EDA: variants seen among roughly 807,000 people sequenced by gnomAD.
EDA encodes ectodysplasin A, also known as ectodysplasin-A.
In EDA, 2 loss-of-function variants were observed where a neutral mutation model predicts 23.6. That is an observed-to-expected ratio of 0.08 (90% CI 0.03 to 0.27). The LOEUF (loss-of-function observed/expected upper bound fraction) is 0.27, where lower values mean the gene tolerates loss of function less well. Among genes scored for constraint, EDA ranks in the 10% least tolerant of loss-of-function variants. The pLI is 1.00. For missense variants in EDA, 229 were observed against 324.2 expected (o/e 0.71, Z 2.26); for synonymous variants, 131 against 132.0 (o/e 0.99, Z 0.05).
Position 69,956,348 on chromosome X carries a change from T to C in EDA, c.397-679T>C, listed in dbSNP as rs1187178451. ...CTCTTTCTCTTTCTTTCTTCTTTTTTTTTTTTTTTTTTTACAGAGTTTTGC... is the reference window on the plus strand; with the variant it reads ...CTCTTTCTCTTTCTTTCTTCTTTTTCTTTTTTTTTTTTTACAGAGTTTTGC... On this transcript the variant is annotated intron_variant, in intron 1 of 7. Coordinates refer to ENST00000374552, the MANE Select transcript of EDA (RefSeq NM_001399.5). 9.8e-5 allele frequency among the ~76,000 whole-genome samples: 10 copies of C among 102,154 alleles called. No individual in the cohort carries two copies. In the South Asian group the frequency reaches 2.3e-3, roughly 24 times the overall value. The allele number at this position is 102,154 out of a possible 115,157, so 88.7% of individuals were successfully genotyped here.
At chrX:69,852,241 T>C (rs1453787249) in intron 1 of EDA, among the ~76,000 whole-genome samples, 1 of 111,496 alleles carries the variant, frequency 9.0e-6, no homozygotes, top group African/African-American at 3.3e-5. Flanking sequence ...GTGATTCTCC[T>C]GCCTTAGCTT....
At chrX:69,832,489 C>G (rs1468750186) in intron 1 of EDA, among the ~76,000 whole-genome samples, 1 of 111,613 alleles carries the variant, frequency 9.0e-6, no homozygotes, top group Non-Finnish European at 1.9e-5. Context: ...CAGCTTTGTT[C>G]TTTTTGCTTA....
At chrX:70,020,237 A>C (rs1381258968) in intron 2 of EDA, among the ~76,000 whole-genome samples, 1 of 111,695 alleles carries the variant, frequency 9.0e-6, no homozygotes, top group Non-Finnish European at 1.9e-5. Context: ...CACATCCTAA[A>C]AAACCTTTGG....
intron 1 of EDA, among the ~76,000 whole-genome samples, chrX:69,789,467 G>C (rs1172421521): frequency 8.9e-6 from 1 of 112,093 alleles, no homozygotes; most frequent in Non-Finnish European, 1.9e-5. Flanking sequence ...ATATTTCTTA[G>C]GGCAAATTTT....
intron 2 of EDA, among the ~76,000 whole-genome samples, chrX:69,966,451 G>A (rs1256363664): frequency 9.1e-6 from 1 of 109,690 alleles, no homozygotes; most frequent in Non-Finnish European, 1.9e-5. Context: ...GTGGTGGCAT[G>A]GCCTGTAACC....
intron 1 of EDA, among the ~76,000 whole-genome samples, chrX:69,726,484 C>A (rs2012806214): frequency 8.9e-6 from 1 of 112,283 alleles, no homozygotes; most frequent in Non-Finnish European, 1.9e-5. Context: ...CTGCCAAAAG[C>A]AAAAGTAAAT....
chrX:69,876,445 A>T (rs986997847), intron 1 of EDA, among the ~76,000 whole-genome samples: 3 of 111,343 alleles, frequency 2.7e-5, no homozygotes, highest in African/African-American at 9.7e-5. Context: ...ATAAAAAATA[A>T]TAAAAAAAGA....
intron 1 of EDA, among the ~76,000 whole-genome samples, chrX:69,710,255 T>G (rs1203321406): frequency 1.8e-5 from 2 of 110,518 alleles, no homozygotes; most frequent in Non-Finnish European, 3.8e-5. Context: ...AAATAGGGAA[T>G]CCTTTCCCCA....
chrX:69,795,169 C>T (rs2015512325), intron 1 of EDA, among the ~76,000 whole-genome samples: 1 of 110,654 alleles, frequency 9.0e-6, no homozygotes, highest in African/African-American at 3.3e-5. Flanking sequence ...TAATGGGAGG[C>T]TAATCCACCC....
intron 1 of EDA, among the ~76,000 whole-genome samples, chrX:69,855,859 A>G: frequency 9.0e-6 from 1 of 111,507 alleles, no homozygotes; most frequent in Middle Eastern, 4.6e-3. Context: ...GAAGAATCTC[A>G]ATGGTAGTTT....
intron 1 of EDA, among the ~76,000 whole-genome samples, chrX:69,712,503 A>G (rs1323106978): frequency 1.8e-5 from 2 of 111,585 alleles, no homozygotes; most frequent in Non-Finnish European, 3.8e-5. Context: ...AATCAAAACC[A>G]CAATGAGATA....
chrX:69,989,980 C>T (rs188449163), intron 2 of EDA, among the ~76,000 whole-genome samples: 157 of 72,262 alleles, frequency 2.2e-3, no homozygotes, highest in African/African-American at 7.8e-3. Flanking sequence ...CATAGTTATT[C>T]ATTGAAGCAT....
intron 1 of EDA, among the ~76,000 whole-genome samples, chrX:69,732,872 G>A (rs930625604): frequency 8.9e-6 from 1 of 112,119 alleles, no homozygotes; most frequent in East Asian, 2.8e-4. Context: ...ATTTCTTCAT[G>A]TGTCTTTTGG....
At chrX:69,702,794 C>A (rs1020089158) in intron 1 of EDA, among the ~76,000 whole-genome samples, 3 of 111,109 alleles carry the variant, frequency 2.7e-5, no homozygotes, top group Non-Finnish European at 5.7e-5. Flanking sequence ...TTTTTCCAGC[C>A]GTCAGCAATA....
At chrX:69,965,059 T>C (rs2019155627) in intron 2 of EDA, among the ~76,000 whole-genome samples, 1 of 111,591 alleles carries the variant, frequency 9.0e-6, no homozygotes, top group African/African-American at 3.3e-5. Flanking sequence ...GTAGTGACCA[T>C]ATAATGGGGT....
intron 2 of EDA, among the ~76,000 whole-genome samples, chrX:69,998,207 C>T (rs2019688641): frequency 8.9e-6 from 1 of 112,387 alleles, no homozygotes; most frequent in Non-Finnish European, 1.9e-5. Flanking sequence ...TGCAAAGCCA[C>T]AGGGGTGGAG....
intron 1 of EDA, among the ~76,000 whole-genome samples, chrX:69,868,081 A>G (rs1052236627): frequency 1.8e-5 from 2 of 111,568 alleles, no homozygotes; most frequent in African/African-American, 6.5e-5. Flanking sequence ...CCTTGCTCCA[A>G]AATCCTAGAG....
chrX:70,025,547 T>A (rs368419814), intron 3 of EDA, among the ~76,000 whole-genome samples: 119 of 111,656 alleles, frequency 1.1e-3, no homozygotes, highest in African/African-American at 3.6e-3. Context: ...ATGTAGAAAC[T>A]AAGGCTCAAG....
intron 2 of EDA, among the ~76,000 whole-genome samples, chrX:70,014,715 A>G (rs2019923177): frequency 8.9e-6 from 1 of 112,423 alleles, no homozygotes; most frequent in South Asian, 3.7e-4. Flanking sequence ...TTTAAGAAAG[A>G]ACCAAACTGA....
Sources: gnomAD v4.1 joint callset for allele counts (sites outside exome capture counted in the v4.1 genomes callset) on GRCh38, gnomAD v4.1.1 for gene constraint, MANE v1.5 for transcripts, NCBI Gene and HGNC (gene_info 2026-07-23, HGNC 2026-07-21) for gene names.